Variants in TMC1 observed in about 807,000 individuals in gnomAD.
TMC1 encodes transmembrane channel-like protein 1.
TMC1 carries 84 observed loss-of-function variants against 105.8 expected under a neutral mutation model. The ratio of observed to expected loss-of-function variants is 0.79; its 90% CI spans 0.67 to 0.95. TMC1 has a LOEUF of 0.95. Ranked by LOEUF, TMC1 falls within the 40% of genes least tolerant of loss-of-function variation. The probability of loss-of-function intolerance (pLI) is 0.00; values close to 1 mark genes in which losing one functional copy is unlikely to be tolerated. For missense variants in TMC1, 817 were observed against 914.1 expected, an observed-to-expected ratio of 0.89 and a Z score of 1.37; for synonymous variants, 315 against 311.5, an observed-to-expected ratio of 1.01 and a Z score of -0.12.
At position 72,637,175 on chromosome 9, in the gene TMC1, T is replaced by C. The variant is rs551874984; in HGVS notation, c.-53+9112T>C. Among the ~76,000 whole-genome samples, 231 of 152,184 alleles carry C rather than the reference T, an allele frequency of 1.5e-3. 1 individual carries two copies. Among genetic ancestry groups the C allele is most frequent in the Middle Eastern group, 6.8e-3 (2 of 294 alleles). On this transcript the variant is annotated intron_variant, in intron 4 of 23. Transcript: ENST00000297784. ...ATTCACCAGTGTCAGCCAATGTGTTTATTTTTGAAAGGTCAGAAATTTCAT... is the reference window on the plus strand; with the variant it reads ...ATTCACCAGTGTCAGCCAATGTGTTCATTTTTGAAAGGTCAGAAATTTCAT...
chr9:72,609,495 G>T (rs1232969308), intron 2 of TMC1, among the ~76,000 whole-genome samples: 1 of 152,122 alleles, frequency 6.6e-6, no homozygotes, highest in Non-Finnish European at 1.5e-5. Flanking sequence ...AGCCGAGATC[G>T]TTCCACTGCA....
intron 2 of TMC1, among the ~76,000 whole-genome samples, chr9:72,608,440 CCCACGCCTGTAATCCCAG>C (rs1229246912): frequency 1.4e-4 from 21 of 152,144 alleles, no homozygotes; most frequent in Admixed American, 1.4e-3. Context: ...GGCGTGGTGG[CCCACGCCTGTAATCCCAG>C]CACTTTGGGA....
chr9:72,725,851 C>A (rs551616479), intron 8 of TMC1, among the ~76,000 whole-genome samples: 1 of 152,014 alleles, frequency 6.6e-6, no homozygotes, highest in Non-Finnish European at 1.5e-5. Flanking sequence ...CCACCATGCC[C>A]GGCTAATTTT....
intron 15 of TMC1, among the ~76,000 whole-genome samples, chr9:72,790,104 A>G (rs528826014): frequency 5.3e-5 from 8 of 152,312 alleles, no homozygotes; most frequent in African/African-American, 1.9e-4. Flanking sequence ...CCGTTCATAA[A>G]ATGCTTATGT....
chr9:72,698,829 C>T (rs1826595063), intron 7 of TMC1, among the ~76,000 whole-genome samples: 1 of 152,048 alleles, frequency 6.6e-6, no homozygotes, highest in Non-Finnish European at 1.5e-5. Flanking sequence ...GCTGGTTCTG[C>T]TAGTGTTGGT....
chr9:72,628,131 T>C lies in TMC1; in HGVS notation c.-53+68T>C, dbSNP rs564868039. ...AGCATTGTACTGGCCTTTCACATGC[T>C]ATGTTTAATCACGCAGGATTGTATG... On this transcript the variant is annotated intron_variant, in intron 4 of 23. Coordinates refer to ENST00000297784, the MANE Select transcript of TMC1 (RefSeq NM_138691.3). The C allele has an allele frequency of 6.6e-6, 3 of 454,944 alleles. No homozygotes were observed. The East Asian group carries it at 2.1e-4, about 32-fold the overall frequency. 28.2% of individuals were successfully genotyped at this position (454,944 alleles called of 1,614,324 possible).
chr9:72,740,339 A>T, intron 9 of TMC1, 130 bp downstream of exon 9: 6 of 722,802 alleles, frequency 8.3e-6, no homozygotes, highest in Non-Finnish European at 1.2e-5. Context: ...CAGTATATAC[A>T]CAGTATATCT....
intron 18 of TMC1, among the ~76,000 whole-genome samples, chr9:72,814,124 A>T (rs1322525353): frequency 6.6e-6 from 1 of 152,198 alleles, no homozygotes; most frequent in Non-Finnish European, 1.5e-5. Flanking sequence ...CTCCACGTTC[A>T]GTAGTTTGGT....
At chr9:72,814,896 T>TTGTGTGTGTGTGTGTG (rs57564294) in intron 18 of TMC1, among the ~76,000 whole-genome samples, 7 of 119,174 alleles carry the variant, frequency 5.9e-5, no homozygotes, top group South Asian at 6.8e-4. Context: ...TGGATCATCT[T>TTGTGTGTGTGTGTGTG]TGTGTGTGTG....
intron 4 of TMC1, among the ~76,000 whole-genome samples, chr9:72,640,851 T>A (rs1313166265): frequency 1.3e-5 from 2 of 152,126 alleles, no homozygotes; most frequent in African/African-American, 4.8e-5. Context: ...CAGGATGATC[T>A]CAATCTCCTG....
At chr9:72,747,603 T>A (rs1827510962) in intron 10 of TMC1, among the ~76,000 whole-genome samples, 1 of 152,100 alleles carries the variant, frequency 6.6e-6, no homozygotes, top group Non-Finnish European at 1.5e-5. Context: ...TGTTTGTTTG[T>A]TTGTTTTTTG....
At chr9:72,590,134 T>C (rs1478900492) in intron 2 of TMC1, among the ~76,000 whole-genome samples, 1 of 152,154 alleles carries the variant, frequency 6.6e-6, no homozygotes, top group Non-Finnish European at 1.5e-5. Flanking sequence ...TTGTTCTCAG[T>C]TTTTAAAAAT....
chr9:72,633,421 G>A (rs1247124272), intron 4 of TMC1, among the ~76,000 whole-genome samples: 1 of 152,138 alleles, frequency 6.6e-6, no homozygotes, highest in Non-Finnish European at 1.5e-5. Context: ...CACATGCTTT[G>A]TGGTAACCAG....
At chr9:72,663,350 G>T (rs951370204) in intron 5 of TMC1, among the ~76,000 whole-genome samples, 1 of 152,150 alleles carries the variant, frequency 6.6e-6, no homozygotes, top group African/African-American at 2.4e-5. Flanking sequence ...ACCAATCTTA[G>T]GTTCTGTAAT....
At chr9:72,581,720 T>C (rs995795277) in intron 2 of TMC1, among the ~76,000 whole-genome samples, 1 of 152,238 alleles carries the variant, frequency 6.6e-6, no homozygotes, top group African/African-American at 2.4e-5. Context: ...CAGAAATCTA[T>C]AAATAAAACT....
At chr9:72,717,246 C>A (rs1204321438) in intron 8 of TMC1, among the ~76,000 whole-genome samples, 1 of 152,190 alleles carries the variant, frequency 6.6e-6, no homozygotes, top group Non-Finnish European at 1.5e-5. Flanking sequence ...ATGTATTCTG[C>A]AATTCTATAT....
At chr9:72,576,512 A>G (rs13289044) in intron 1 of TMC1, among the ~76,000 whole-genome samples, 68,378 of 151,780 alleles carry the variant, frequency 0.45, 17,455 homozygotes, top group African/African-American at 0.7. Flanking sequence ...TGTGCCAACG[A>G]CTGTACACAG....
intron 12 of TMC1, 35 bp from the exon 13 acceptor site, chr9:72,772,378 G>T (rs571188007): frequency 9.3e-6 from 15 of 1,613,086 alleles, no homozygotes; most frequent in Middle Eastern, 3.3e-4. Context: ...TGCTCTTCAC[G>T]ACAACTGCTA....
At chr9:72,588,950 A>G (rs991441609) in intron 2 of TMC1, among the ~76,000 whole-genome samples, 1 of 152,022 alleles carries the variant, frequency 6.6e-6, no homozygotes, top group African/African-American at 2.4e-5. Context: ...TTGTACTTTT[A>G]GTAGAGACAG....
Sources: allele counts gnomAD v4.1 joint callset (sites outside exome capture counted in the v4.1 genomes callset), GRCh38; gene constraint gnomAD v4.1.1; transcripts MANE v1.5; gene names NCBI Gene and HGNC (gene_info 2026-07-23, HGNC 2026-07-21).